Variants in TENM3 observed in about 807,000 individuals in gnomAD.
TENM3 encodes the protein teneurin transmembrane protein 3.
TENM3 carries 63 observed loss-of-function variants against 255.1 expected under a neutral mutation model. The ratio of observed to expected loss-of-function variants is 0.25; its 90% CI spans 0.20 to 0.30. The LOEUF (loss-of-function observed/expected upper bound fraction) is 0.30, where lower values mean the gene tolerates loss of function less well. Among genes scored for constraint, TENM3 ranks in the 10% least tolerant of loss-of-function variants. TENM3 has a pLI of 1.00. For synonymous variants in TENM3, 1,306 were observed against 1,322.3 expected (o/e 0.99, Z 0.27); for missense variants, 2,929 against 3,461.1 (o/e 0.85, Z 3.86).
chr4:182,285,362 CTTTG>C (rs138413683), intron 1 of TENM3, among the ~76,000 whole-genome samples: 3,256 of 152,056 alleles, frequency 0.021, 52 homozygotes, highest in Non-Finnish European at 0.029. Flanking sequence ...GTTTCTTAGT[CTTTG>C]TTTGTTTTGC....
At chr4:182,505,764 T>C (rs1736752268) in intron 3 of TENM3, among the ~76,000 whole-genome samples, 1 of 152,162 alleles carries the variant, frequency 6.6e-6, no homozygotes, top group Non-Finnish European at 1.5e-5. Flanking sequence ...CCTGCTTTTC[T>C]TTTTCAAACC....
chr4:182,165,916 T>C (rs1751680641), intron 1 of TENM3, among the ~76,000 whole-genome samples: 1 of 152,134 alleles, frequency 6.6e-6, no homozygotes, highest in Admixed American at 6.5e-5. Flanking sequence ...GTAGCTGGGA[T>C]TACAGGCGTG....
the TENM3 span, among the ~76,000 whole-genome samples, chr4:181,633,390 G>C: frequency 2.6e-5 from 4 of 152,138 alleles, no homozygotes; most frequent in Admixed American, 2.0e-4. Context: ...AAGAGGACTT[G>C]TATATTTGGG....
chr4:182,141,548 C>CAGGCAG, upstream of TENM3: 1 of 152,306 alleles, frequency 6.6e-6, no homozygotes, highest in East Asian at 1.9e-4. Flanking sequence ...ATTACAGGCG[C>CAGGCAG]AGGCAGACGT....
the TENM3 span, among the ~76,000 whole-genome samples, chr4:182,044,117 A>T: frequency 1.1e-4 from 17 of 152,238 alleles, no homozygotes; most frequent in Non-Finnish European, 2.4e-4. Flanking sequence ...TACTACCTTT[A>T]AAATACACAT....
At chr4:182,663,722 A>C (rs1355891933) in intron 6 of TENM3, among the ~76,000 whole-genome samples, 2 of 152,230 alleles carry the variant, frequency 1.3e-5, no homozygotes, top group African/African-American at 2.4e-5. Context: ...CTGTTCAGTT[A>C]TTTGACATTC....
chr4:182,675,764 T>C (rs17073803), intron 7 of TENM3, among the ~76,000 whole-genome samples: 2,852 of 152,290 alleles, frequency 0.019, 57 homozygotes, highest in East Asian at 0.056. Flanking sequence ...TAATTTCAGG[T>C]AAGAATTGTC....
chr4:182,332,708 G>GAAAAAAAAAA (rs112751092), intron 2 of TENM3, among the ~76,000 whole-genome samples: 2 of 100,178 alleles, frequency 2.0e-5, no homozygotes. Flanking sequence ...AAAGAAAAAA[G>GAAAAAAAAAA]AAAAAAAAAA....
the TENM3 span, among the ~76,000 whole-genome samples, chr4:181,505,485 G>C: frequency 6.6e-6 from 1 of 152,044 alleles, no homozygotes; most frequent in African/African-American, 2.4e-5. Context: ...TCCCCAATAA[G>C]CTGTTTATTT....
the TENM3 span, among the ~76,000 whole-genome samples, chr4:181,967,549 C>T: frequency 2.6e-5 from 4 of 152,124 alleles, no homozygotes; most frequent in Admixed American, 2.0e-4. Context: ...AGTCCCCTGA[C>T]TTTCCCATGC....
chr4:182,613,423 A>C (rs917325194), intron 4 of TENM3, among the ~76,000 whole-genome samples: 44 of 152,186 alleles, frequency 2.9e-4, no homozygotes, highest in African/African-American at 9.9e-4. Context: ...ATTCCCAAAC[A>C]ATACTTATAA....
At chr4:181,614,578 C>T in the TENM3 span, among the ~76,000 whole-genome samples, 2 of 152,152 alleles carry the variant, frequency 1.3e-5, no homozygotes, top group South Asian at 2.1e-4. Flanking sequence ...TATTCATCTC[C>T]GCAGATTTAA....
the TENM3 span, among the ~76,000 whole-genome samples, chr4:182,004,228 C>T: frequency 6.6e-6 from 1 of 152,248 alleles, no homozygotes; most frequent in East Asian, 1.9e-4. Flanking sequence ...ACCCCCAACC[C>T]CCCAACAAGC....
the TENM3 span, among the ~76,000 whole-genome samples, chr4:181,898,314 AAAAT>A: frequency 6.6e-6 from 1 of 152,224 alleles, no homozygotes; most frequent in African/African-American, 2.4e-5. Flanking sequence ...AACAGATAAT[AAAAT>A]AGTTACCCAA....
intron 3 of TENM3, among the ~76,000 whole-genome samples, chr4:182,397,580 T>A (rs1371870242): frequency 1.3e-5 from 2 of 152,080 alleles, no homozygotes; most frequent in African/African-American, 4.8e-5. Context: ...ACTTTATGGA[T>A]GAGTTATCCC....
At chr4:182,525,762 T>G (rs1022972557) in intron 3 of TENM3, among the ~76,000 whole-genome samples, 1 of 152,180 alleles carries the variant, frequency 6.6e-6, no homozygotes, top group Non-Finnish European at 1.5e-5. Context: ...TTAACAGCAT[T>G]GTTTGCTTGA....
the TENM3 span, among the ~76,000 whole-genome samples, chr4:181,645,381 C>T: frequency 6.6e-6 from 1 of 152,158 alleles, no homozygotes; most frequent in Non-Finnish European, 1.5e-5. Flanking sequence ...GGGCAGGGGT[C>T]CTGGGAACTC....
chr4:182,346,834 T>C lies in TENM3; in HGVS notation c.416T>C (p.Val139Ala), dbSNP rs1389600882. The change falls in exon 3 of 28, where the codon GTC (valine) becomes GCC (alanine). Residue 139 changes from valine to alanine, a missense_variant. Val to Ala is a moderately conservative substitution (Grantham distance 64). Around this residue, in one of 6 missense-constraint regions of TENM3, gnomAD observed 283 missense variants for 256.9 expected, o/e 1.10. Transcript: ENST00000511685. The stretch of plus-strand genomic sequence containing the variant: ...GCCATGAGACTTTGGGGCAGGGGGG[T>C]CAAATCAGGCCGCAGCTCCTGCCTG... The part of the protein sequence containing the change: ...EHAMRLWGRG[V>A]KSGRSSCLSS... 3 of 1,612,500 alleles carry C rather than the reference T, an allele frequency of 1.9e-6. No individual in the cohort carries two copies. Among genetic ancestry groups the C allele is most frequent in the Non-Finnish European group, 2.5e-6 (3 of 1,179,472 alleles).
chr4:181,889,464 C>T, the TENM3 span, among the ~76,000 whole-genome samples: 1 of 152,186 alleles, frequency 6.6e-6, no homozygotes, highest in Non-Finnish European at 1.5e-5. Context: ...TTATAAATTA[C>T]CCAGCCTCGG....
Sources: gnomAD v4.1 joint callset for allele counts (sites outside exome capture counted in the v4.1 genomes callset) on GRCh38, gnomAD v4.1.1 for gene constraint, gnomAD v4.1.1 regional missense constraint, MANE v1.5 for transcripts, NCBI Gene and HGNC (gene_info 2026-07-23, HGNC 2026-07-21) for gene names.